ARHGEF11: variants seen among roughly 807,000 people sequenced by gnomAD.
The protein encoded by ARHGEF11 is Rho guanine exchange factor (GEF) 11.
A neutral mutation model predicts 193.7 loss-of-function variants in ARHGEF11; 55 were observed. The ratio of observed to expected loss-of-function variants is 0.28; its 90% confidence interval spans 0.23 to 0.36. The LOEUF is 0.36. ARHGEF11 is among the 10% of genes least tolerant of loss of function. ARHGEF11 has a pLI of 1.00. For missense variants in ARHGEF11, 1,723 were observed against 2,005.6 expected (o/e 0.86, Z 2.69); for synonymous variants, 693 against 768.0 (o/e 0.90, Z 1.62).
intron 1 of ARHGEF11, among the ~76,000 whole-genome samples, chr1:157,023,529 G>A (rs549965187): frequency 6.6e-6 from 1 of 152,310 alleles, no homozygotes; most frequent in South Asian, 2.1e-4. Context: ...ACTTTGGGAG[G>A]CCAAGGCGGG....
intron 2 of ARHGEF11, 71 bp downstream of exon 2, chr1:156,986,011 A>G: frequency 3.7e-6 from 5 of 1,338,360 alleles, no homozygotes; most frequent in Non-Finnish European, 4.3e-6. Flanking sequence ...TTGGCCTCCC[A>G]AGTAGCTGGG....
intron 7 of ARHGEF11, among the ~76,000 whole-genome samples, chr1:156,975,832 A>G (rs1391987256): frequency 6.6e-6 from 1 of 152,198 alleles, no homozygotes; most frequent in Non-Finnish European, 1.5e-5. Context: ...TTCTTTCTCC[A>G]TTGAATTGTC....
rs182495591 is a variant in ARHGEF11 at position 156,942,991 on chromosome 1, C to T, written c.3236-211G>A. On this transcript the variant is annotated intron_variant, in intron 32 of 40. Coordinates refer to ENST00000368194, the MANE Select transcript of ARHGEF11 (RefSeq NM_198236.3). ...CCAGGACCCCTAATGTCATCTTCCACAGCCACCCCCATTCCTCTCCTGCTC... is the reference window on the plus strand; with the variant it reads ...CCAGGACCCCTAATGTCATCTTCCATAGCCACCCCCATTCCTCTCCTGCTC... Among the ~76,000 whole-genome samples, 666 of 152,250 alleles carry T rather than the reference C, an allele frequency of 4.4e-3. 6 individuals are homozygous for T. Among genetic ancestry groups the T allele is most frequent in the African/African-American group, 0.015 (633 of 41,532 alleles).
Position 156,959,943 on chromosome 1 carries a change from C to CA in ARHGEF11, c.1282+474dup, listed in dbSNP as rs376570752. Among the ~76,000 whole-genome samples, 99 of 97,124 alleles carry CA rather than the reference C, an allele frequency of 1.0e-3. 1 individual carries two copies. The highest frequency in any genetic ancestry group is 3.3e-3 in the African/African-American group (84 of 25,448). The allele number at this position is 97,124 out of a possible 152,430, so 63.7% of individuals were successfully genotyped here. ...AAAATAACCCCCCCTCCCCCCCCCC[C>CA]AAAAAAAACAATAAGAAAAACCACT... On this transcript the variant is annotated intron_variant, in intron 15 of 40. Coordinates refer to ENST00000368194, the MANE Select transcript of ARHGEF11 (RefSeq NM_198236.3).
At chr1:156,964,825 C>T (rs1316413226) in intron 11 of ARHGEF11, among the ~76,000 whole-genome samples, 3 of 152,196 alleles carry the variant, frequency 2.0e-5, no homozygotes, top group African/African-American at 7.2e-5. Flanking sequence ...GGTCTGAGAG[C>T]CCCAGAAGGT....
rs542694489 is a variant in ARHGEF11 at position 156,959,190 on chromosome 1, G to A, written c.1283-48C>T. On this transcript the variant is annotated intron_variant, in intron 15 of 40. Coordinates refer to ENST00000368194, the MANE Select transcript of ARHGEF11 (RefSeq NM_198236.3). ...GCAGAGTGGATGGGGTACTGGGGGT[G>A]GAGGGGGATCCCTTCTGCTGAGCAT... 5.8e-6 allele frequency: 9 copies of A among 1,538,842 alleles called. No homozygotes were observed. The South Asian group carries it at 9.1e-5, about 16-fold the overall frequency.
At chr1:157,004,699 T>C (rs1017835029) in intron 1 of ARHGEF11, among the ~76,000 whole-genome samples, 3 of 152,048 alleles carry the variant, frequency 2.0e-5, no homozygotes, top group African/African-American at 7.2e-5. Flanking sequence ...ATACAAGTAA[T>C]GTTGAATGGC....
rs1382659430 is a variant in ARHGEF11 at position 156,959,032 on chromosome 1, G to C, written c.1379+14C>G. 2 of 1,614,072 alleles carry C rather than the reference G, an allele frequency of 1.2e-6. No homozygotes were observed. Among genetic ancestry groups the C allele is most frequent in the South Asian group, 2.2e-5 (2 of 91,076 alleles). On this transcript the variant is annotated intron_variant, in intron 16 of 40. Coordinates refer to ENST00000368194, the MANE Select transcript of ARHGEF11 (RefSeq NM_198236.3). Reference sequence around the variant, plus strand: ...GAACGAGGAGAGAGGTGGGAGGTCAGCTCCTGGGCCAACCTGTAGTCGTGG... The same window carrying C: ...GAACGAGGAGAGAGGTGGGAGGTCACCTCCTGGGCCAACCTGTAGTCGTGG...
In ARHGEF11 at chr1:156,963,584, T is replaced by TAATGATACGCCGACCACCGA; in HGVS notation, c.973_974insTCGGTGGTCGGCGTATCATT (p.Gln325LeufsTer13). ...GCCAATAATTAAAGGCTTTGGGCTT[T>TAATGATACGCCGACCACCGA]GATCTACACCCTGGGGGAGAGAGTC... On this transcript the variant is annotated frameshift_variant, in exon 12 of 41. Transcript: ENST00000368194. LOFTEE classifies it high-confidence loss of function. 2.1e-6 allele frequency: 3 copies of TAATGATACGCCGACCACCGA among 1,410,246 alleles called. No individual in the cohort carries two copies. Among genetic ancestry groups the TAATGATACGCCGACCACCGA allele is most frequent in the Non-Finnish European group, 2.8e-6 (3 of 1,071,426 alleles). 87.4% of individuals were successfully genotyped at this position (1,410,246 alleles called of 1,614,324 possible). A position where few individuals can be genotyped will look rare whatever the true frequency, so the allele number is the denominator to read the frequency against.
chr1:156,963,651 C>T, intron 11 of ARHGEF11, 57 bp from the exon 12 acceptor site: 2 of 1,592,346 alleles, frequency 1.3e-6, no homozygotes, highest in Admixed American at 1.8e-5. Flanking sequence ...GAGGATTCAA[C>T]CACCTCAGTG....
At chr1:156,944,492 G>C (rs960963396) in intron 30 of ARHGEF11, 59 bp from the exon 31 acceptor site, 6 of 1,548,076 alleles carry the variant, frequency 3.9e-6, no homozygotes, top group Admixed American at 1.7e-5. Context: ...AAGTGTTTGA[G>C]AGCCTACTGT....
chr1:157,016,072 C>T (rs1049602965), intron 1 of ARHGEF11, among the ~76,000 whole-genome samples: 1 of 152,108 alleles, frequency 6.6e-6, no homozygotes, highest in South Asian at 2.1e-4. Flanking sequence ...AAAACGCTTG[C>T]CAGGAGTCAG....
upstream of ARHGEF11, among the ~76,000 whole-genome samples, chr1:157,045,821 C>A (rs907768258): frequency 4.6e-5 from 7 of 151,190 alleles, no homozygotes; most frequent in African/African-American, 1.7e-4. Context: ...CAGGCCCGGC[C>A]GGCCGCCCCC....
chr1:156,957,945 G>A (rs1034914909), intron 17 of ARHGEF11, 130 bp from the exon 18 acceptor site: 191 of 797,514 alleles, frequency 2.4e-4, no homozygotes, highest in African/African-American at 9.8e-4. Flanking sequence ...AGAGAAGTAC[G>A]TCTGATGCAC....
intron 1 of ARHGEF11, among the ~76,000 whole-genome samples, chr1:157,038,635 A>G (rs1332716108): frequency 6.6e-6 from 1 of 152,210 alleles, no homozygotes; most frequent in Non-Finnish European, 1.5e-5. Context: ...AGTAAAGGGC[A>G]AGAGGATCCC....
chr1:157,034,498 C>G (rs1333985103), intron 1 of ARHGEF11, among the ~76,000 whole-genome samples: 1 of 152,218 alleles, frequency 6.6e-6, no homozygotes, highest in East Asian at 1.9e-4. Flanking sequence ...AAAGACCTAG[C>G]ACCCAATGAG....
intron 1 of ARHGEF11, among the ~76,000 whole-genome samples, chr1:156,995,614 G>A (rs1364132496): frequency 6.7e-6 from 1 of 149,530 alleles, no homozygotes; most frequent in Non-Finnish European, 1.5e-5. Flanking sequence ...GGAGTGCAGT[G>A]ATGCAATCAC....
At chr1:157,026,669 C>T (rs1313407791) in intron 1 of ARHGEF11, among the ~76,000 whole-genome samples, 2 of 152,156 alleles carry the variant, frequency 1.3e-5, no homozygotes, top group Admixed American at 6.5e-5. Context: ...AGGTTCAATG[C>T]TATGTGATTT....
Position 156,946,779 on chromosome 1 carries a change from G to C in ARHGEF11, c.2577C>G (p.Gly859=), listed in dbSNP as rs747019845. 12 of 1,614,072 alleles carry C rather than the reference G, an allele frequency of 7.4e-6. No individual in the cohort carries two copies. Among genetic ancestry groups the C allele is most frequent in the Non-Finnish European group, 7.6e-6 (9 of 1,180,034 alleles). ...ISDLMLARFD[G]PAREELQQVA... is the part of the protein sequence containing the mutation. ...CTTGCTGGAGTTCCTCTCGGGCAGG[G>C]CCATCAAACTGAAGAGGCAGAATGG... Residue 859 remains glycine, a synonymous_variant, in exon 28 of 41, where the codon GGC becomes GGG. Transcript: ENST00000368194.
Sources: gnomAD v4.1 joint callset for allele counts (sites outside exome capture counted in the v4.1 genomes callset) on GRCh38, gnomAD v4.1.1 for gene constraint, MANE v1.5 for transcripts, NCBI Gene and HGNC (gene_info 2026-07-23, HGNC 2026-07-21) for gene names.